Variants in GPA33 observed in about 807,000 individuals in gnomAD.
The protein encoded by GPA33 is cell surface A33 antigen.
Under a neutral mutation model 35.6 loss-of-function variants are expected in GPA33, and 27 were observed. The observed-to-expected ratio is 0.76, with a 90% confidence interval of 0.56 to 1.04. The LOEUF (loss-of-function observed/expected upper bound fraction) is 1.04. GPA33 is among the 50% of genes least tolerant of loss of function. The pLI is 0.00. For missense variants in GPA33, 428 were observed against 411.9 expected (o/e 1.04, Z -0.34); for synonymous variants, 176 against 164.0 (o/e 1.07, Z -0.56).
intron 3 of GPA33, among the ~76,000 whole-genome samples, chr1:167,064,985 C>G (rs1019730678): frequency 3.9e-5 from 6 of 152,218 alleles, no homozygotes; most frequent in Non-Finnish European, 1.5e-5. Context: ...CCACCCTCAT[C>G]TCACAACCCC....
chr1:167,073,249 C>T (rs1293490118), intron 2 of GPA33, 136 bp downstream of exon 2: 5 of 711,944 alleles, frequency 7.0e-6, no homozygotes, highest in Non-Finnish European at 1.2e-5. Context: ...TCACTGCTCC[C>T]TCCCCACCCA....
chr1:167,070,937 T>C (rs1366269190), intron 2 of GPA33, among the ~76,000 whole-genome samples: 1 of 152,148 alleles, frequency 6.6e-6, no homozygotes, highest in Non-Finnish European at 1.5e-5. Context: ...AGGAAGGGAA[T>C]GTTTTATGAA....
intron 4 of GPA33, among the ~76,000 whole-genome samples, chr1:167,056,191 G>A (rs1666246643): frequency 1.3e-5 from 2 of 152,116 alleles, no homozygotes; most frequent in Middle Eastern, 3.2e-3. Flanking sequence ...CATAAAATGA[G>A]GTACTAATAA....
chr1:167,076,347 T>G (rs554911995), intron 1 of GPA33, among the ~76,000 whole-genome samples: 1 of 152,038 alleles, frequency 6.6e-6, no homozygotes, highest in African/African-American at 2.4e-5. Flanking sequence ...TGGCTAAAGG[T>G]GCAAGTGGGC....
intron 1 of GPA33, among the ~76,000 whole-genome samples, chr1:167,085,579 G>T (rs1667031604): frequency 6.6e-6 from 1 of 152,156 alleles, no homozygotes; most frequent in Admixed American, 6.5e-5. Context: ...TGGACCAGGA[G>T]TATCATCCCC....
At chr1:167,073,213 AC>A (rs1418519727) in intron 2 of GPA33, among the ~76,000 whole-genome samples, 171 bp downstream of exon 2, 2 of 152,054 alleles carry the variant, frequency 1.3e-5, no homozygotes, top group Non-Finnish European at 2.9e-5. Context: ...AAGGTGACAT[AC>A]TCTGGCCCTC....
At chr1:167,080,733 A>T (rs2102200065) in intron 1 of GPA33, among the ~76,000 whole-genome samples, 1 of 152,032 alleles carries the variant, frequency 6.6e-6, no homozygotes, top group South Asian at 2.1e-4. Flanking sequence ...GACATAAAGG[A>T]CTCTACAGGC....
At chr1:167,087,880 C>T (rs1667085037) in intron 1 of GPA33, among the ~76,000 whole-genome samples, 1 of 140,806 alleles carries the variant, frequency 7.1e-6, no homozygotes, top group Non-Finnish European at 1.5e-5. Flanking sequence ...CACACCACTG[C>T]ACTCCAGCCT....
chr1:167,063,965 T>A lies in GPA33; in HGVS notation c.416-228A>T, dbSNP rs368810369. On this transcript the variant is annotated intron_variant, in intron 3 of 6. Transcript: ENST00000367868. ...GAGCAGTACATATGCTGGGAAGCATTGCGGGCCTGCAGTAGCTTTCCAAGG... is the reference window on the plus strand; with the variant it reads ...GAGCAGTACATATGCTGGGAAGCATAGCGGGCCTGCAGTAGCTTTCCAAGG... Among the ~76,000 whole-genome samples the A allele has an allele frequency of 7.2e-5, 11 of 152,292 alleles. No homozygotes were observed. The East Asian group carries it at 1.7e-3, about 24-fold the overall frequency.
intron 1 of GPA33, among the ~76,000 whole-genome samples, chr1:167,087,313 T>C (rs145815175): frequency 2.7e-3 from 414 of 152,340 alleles, no homozygotes; most frequent in African/African-American, 9.4e-3. Context: ...CTGGCATTTA[T>C]TGAGTTGTTA....
chr1:167,071,241 TCCAA>T (rs2102189137), intron 2 of GPA33, among the ~76,000 whole-genome samples: 1 of 152,238 alleles, frequency 6.6e-6, no homozygotes, highest in African/African-American at 2.4e-5. Context: ...ACAAGAAGAC[TCCAA>T]GGTTGGAAAG....
chr1:167,063,824 A>G, intron 3 of GPA33, 87 bp from the exon 4 acceptor site: 1 of 869,934 alleles, frequency 1.1e-6, no homozygotes, highest in African/African-American at 2.4e-5. Flanking sequence ...CCCCCCACAC[A>G]CATATACTGC....
chr1:167,066,541 G>T (rs981731847), intron 3 of GPA33, among the ~76,000 whole-genome samples: 2 of 152,056 alleles, frequency 1.3e-5, no homozygotes, highest in African/African-American at 2.4e-5. Context: ...CCTCACTAAG[G>T]TCTCTCCCCT....
intron 1 of GPA33, 131 bp from the exon 2 acceptor site, chr1:167,073,670 T>C (rs918153099): frequency 2.7e-6 from 2 of 743,266 alleles, no homozygotes; most frequent in Non-Finnish European, 4.4e-6. Context: ...AGAGCCATCT[T>C]GGCCACCTTG....
chr1:167,056,837 G>GTGGTGTGTGTGA (rs1666308552), intron 4 of GPA33, among the ~76,000 whole-genome samples: 1 of 30,360 alleles, frequency 3.3e-5, no homozygotes, highest in Non-Finnish European at 7.0e-5. Context: ...AGTGTGTGTG[G>GTGGTGTGTGTGA]TGAGTGTGTA....
At chr1:167,065,546 T>G (rs536846765) in intron 3 of GPA33, among the ~76,000 whole-genome samples, 5 of 152,284 alleles carry the variant, frequency 3.3e-5, no homozygotes, top group African/African-American at 1.2e-4. Context: ...CAATAAACAG[T>G]GCTGCCCATT....
intron 1 of GPA33, among the ~76,000 whole-genome samples, chr1:167,088,288 G>A (rs938301132): frequency 6.6e-6 from 1 of 152,154 alleles, no homozygotes; most frequent in Admixed American, 6.5e-5. Context: ...GAGGCATGGT[G>A]GGGAGGGCCG....
chr1:167,088,038 T>C (rs536561025), intron 1 of GPA33, among the ~76,000 whole-genome samples: 5 of 152,304 alleles, frequency 3.3e-5, no homozygotes, highest in African/African-American at 9.6e-5. Context: ...GAATAGCTTC[T>C]GCTTCCTCCA....
chr1:167,083,441 C>T (rs1269364546), intron 1 of GPA33, among the ~76,000 whole-genome samples: 4 of 152,198 alleles, frequency 2.6e-5, no homozygotes, highest in South Asian at 4.1e-4. Context: ...GGTCGGCACC[C>T]ATTCACTAAC....
Sources: gnomAD v4.1 joint callset for allele counts (sites outside exome capture counted in the v4.1 genomes callset) on GRCh38, gnomAD v4.1.1 for gene constraint, MANE v1.5 for transcripts, NCBI Gene and HGNC (gene_info 2026-07-23, HGNC 2026-07-21) for gene names.